The following TRIM54 variants were observed in gnomAD, a reference collection of about 807,000 sequenced individuals.
TRIM54 encodes the protein tripartite motif containing 54, also known as tripartite motif-containing protein 54.
A neutral mutation model predicts 42.0 loss-of-function variants in TRIM54; 40 were observed. That is an observed-to-expected ratio of 0.95 (90% CI 0.74 to 1.24). The LOEUF (loss-of-function observed/expected upper bound fraction) is 1.24, where lower values mean the gene tolerates loss of function less well. Among genes scored for constraint, TRIM54 ranks in the 50% most tolerant of loss-of-function variants. TRIM54 has a pLI of 0.00. For synonymous variants in TRIM54, 199 were observed against 194.9 expected, an observed-to-expected ratio of 1.02 and a Z score of -0.17; for missense variants, 485 against 480.3, an observed-to-expected ratio of 1.01 and a Z score of -0.09.
chr2:27,289,925 G>T (rs1678674158), intron 1 of TRIM54, among the ~76,000 whole-genome samples: 1 of 140,370 alleles, frequency 7.1e-6, no homozygotes, highest in African/African-American at 2.7e-5. Context: ...AGGCTGGAGT[G>T]CGGTGGCTTG....
chr2:27,306,331 C>T lies in TRIM54; in HGVS notation c.985C>T (p.Gln329Ter), dbSNP rs779403761. 8 of 1,614,118 alleles carry T rather than the reference C, an allele frequency of 5.0e-6. No homozygotes were observed. The highest frequency in any genetic ancestry group is 1.1e-5 in the South Asian group (1 of 91,086). The change falls in exon 7 of 9, where the codon CAG (glutamine) becomes TAG (stop). Residue 329 changes from glutamine to a stop codon, truncating the protein, a stop_gained. Coordinates refer to ENST00000380075, the MANE Select transcript of TRIM54 (RefSeq NM_187841.3). LOFTEE classifies it high-confidence loss of function. The surrounding 1 kb of genome is among the most constrained non-coding windows in gnomAD (Gnocchi z 6.1). ...VAEMLRTIDF[Q>*]PGASGEEEEV... The stretch of plus-strand genomic sequence containing the variant: ...CGAAATGCTGCGGACCATCGACTTC[C>T]AGCCAGGTGAAGGAGGTGGCCGAGG...
chr2:27,285,977 C>G (rs745977989), intron 1 of TRIM54, among the ~76,000 whole-genome samples: 22 of 151,886 alleles, frequency 1.4e-4, no homozygotes, highest in Non-Finnish European at 2.8e-4. Context: ...GCCTGTAATC[C>G]CAACACTTTG....
At chr2:27,295,595 C>T (rs1043904061) in intron 1 of TRIM54, among the ~76,000 whole-genome samples, 2 of 152,180 alleles carry the variant, frequency 1.3e-5, no homozygotes, top group African/African-American at 4.8e-5. Context: ...CATGAGCCAG[C>T]GCGCCTGGTC....
intron 1 of TRIM54, among the ~76,000 whole-genome samples, chr2:27,287,344 A>G (rs1051820183): frequency 2.6e-5 from 4 of 152,056 alleles, no homozygotes; most frequent in Non-Finnish European, 4.4e-5. Context: ...CTGGGACCAC[A>G]GGTGTGCACC....
At chr2:27,297,897 C>CT (rs2148197492) in intron 1 of TRIM54, among the ~76,000 whole-genome samples, 1 of 146,278 alleles carries the variant, frequency 6.8e-6, no homozygotes, top group South Asian at 2.2e-4. Flanking sequence ...GGGAGGATTG[C>CT]TTGAGCCCAG....
rs1679193196 is a variant in TRIM54, at chr2:27,306,038, T to C, written c.844-42T>C. 1.9e-6 allele frequency: 3 copies of C among 1,612,476 alleles called. No individual in the cohort carries two copies. The highest frequency in any genetic ancestry group is 2.2e-5 in the South Asian group (2 of 90,830). On this transcript the variant is annotated intron_variant, in intron 5 of 8. Transcript: ENST00000380075. The surrounding 1 kb of genome is among the most constrained non-coding windows in gnomAD (Gnocchi z 6.1). ...ATTCAGAAATGGGACTTTGCCCAGG[T>C]TGGCCCAGTGCTTACTCTCACCCTC...
Position 27,299,324 on chromosome 2 carries a change from T to G in TRIM54, c.421T>G (p.Cys141Gly). The G allele has an allele frequency of 6.2e-7, 1 of 1,614,154 alleles. No individual in the cohort carries two copies. Among genetic ancestry groups the G allele is most frequent in the African/African-American group, 1.3e-5 (1 of 75,044 alleles). The change falls in exon 3 of 9, where the codon TGT becomes GGT. Residue 141 changes from cysteine to glycine, a missense_variant. Coordinates refer to ENST00000380075, the MANE Select transcript of TRIM54 (RefSeq NM_187841.3). ...EEKINIYCLS[C>G]EVPTCSLCKV... ...GAAGATCAATATTTACTGCCTGAGC[T>G]GTGAGGTGCCCACCTGCTCTCTCTG...
At chr2:27,299,218 C>T in intron 2 of TRIM54, 27 bp from the exon 3 acceptor site, 2 of 1,611,688 alleles carry the variant, frequency 1.2e-6, no homozygotes, top group Non-Finnish European at 8.5e-7. Flanking sequence ...GCTTAAGGTC[C>T]ACCTCCCCCT....
chr2:27,284,373 C>G (rs927901277), intron 1 of TRIM54, among the ~76,000 whole-genome samples: 2 of 152,150 alleles, frequency 1.3e-5, no homozygotes, highest in Admixed American at 6.5e-5. Context: ...CACAATGTAC[C>G]CTGTGACCCA....
At chr2:27,283,778 ACG>A (rs796470453) in intron 1 of TRIM54, among the ~76,000 whole-genome samples, 5,117 of 102,262 alleles carry the variant, frequency 0.05, 293 homozygotes, top group African/African-American at 0.17. Context: ...ACACACACAC[ACG>A]CGCGCACACA....
chr2:27,282,885 A>G lies in TRIM54; in HGVS notation c.154A>G (p.Asn52Asp). The G allele has an allele frequency of 6.2e-7, 1 of 1,612,756 alleles. No homozygotes were observed. The highest frequency in any genetic ancestry group is 8.5e-7 in the Non-Finnish European group (1 of 1,179,224). The change falls in exon 1 of 9, where the codon AAC becomes GAC. Residue 52 changes from asparagine to aspartate, a missense_variant. By Grantham distance (23) the Asn-to-Asp change is conservative. Transcript: ENST00000380075. The stretch of plus-strand genomic sequence containing the variant: ...ACACAACCTGTGCCGCAAATGTGCC[A>G]ACGACGTCTTCCAGGTGGGTGCCAG... ...CQHNLCRKCA[N>D]DVFQASNPLW...
rs1679221023 is a variant in TRIM54, at chr2:27,306,545, G to A, written c.*1+3G>A. ...AGAGCGGCCGGATGGGCCTTAAGGT[G>A]AGAGCCGCCCGATGGGCCTTAAGGT... is the stretch of plus-strand genomic sequence containing the variant. On this transcript the variant is annotated splice_donor_region_variant and intron_variant, in intron 8 of 8. Coordinates refer to ENST00000380075, the MANE Select transcript of TRIM54 (RefSeq NM_187841.3). This position sits in a 1 kb window ranked among gnomAD's most constrained non-coding sequence, Gnocchi z 6.1. 3.9e-6 allele frequency: 6 copies of A among 1,543,946 alleles called. No individual in the cohort carries two copies. The highest frequency in any genetic ancestry group is 2.6e-6 in the Non-Finnish European group (3 of 1,144,348).
chr2:27,289,729 A>C (rs1425398261), intron 1 of TRIM54, among the ~76,000 whole-genome samples: 3 of 152,066 alleles, frequency 2.0e-5, no homozygotes, highest in East Asian at 1.9e-4. Flanking sequence ...GGAAATGTCT[A>C]AAAAGGATCC....
intron 3 of TRIM54, among the ~76,000 whole-genome samples, chr2:27,299,884 GT>G (rs34347145): frequency 1.3e-5 from 2 of 148,830 alleles, no homozygotes; most frequent in Non-Finnish European, 3.0e-5. Context: ...TTGTTTTTTG[GT>G]TTTTTTTTGA....
Position 27,306,464 on chromosome 2 carries a change from G to T in TRIM54, c.1000G>T (p.Gly334Trp). The T allele has an allele frequency of 6.3e-7, 1 of 1,596,208 alleles. No homozygotes were observed. The highest frequency in any genetic ancestry group is 8.5e-7 in the Non-Finnish European group (1 of 1,171,228). Residue 334 changes from glycine (G) to tryptophan (W), a missense_variant, in exon 8 of 9, where the codon GGG (glycine) becomes TGG (tryptophan). Gly to Trp is a radical substitution (Grantham distance 184, BLOSUM62 -2). Transcript: ENST00000380075. This position sits in a 1 kb window ranked among gnomAD's most constrained non-coding sequence, Gnocchi z 6.1. Reference sequence around the variant, plus strand: ...GCCTTCCTTGGGCTCAGGCGCTTCCGGGGAGGAAGAGGAGGTGGCCCCAGA... The same window carrying T: ...GCCTTCCTTGGGCTCAGGCGCTTCCTGGGAGGAAGAGGAGGTGGCCCCAGA... ...RTIDFQPGAS[G>W]EEEEVAPDGE...
intron 3 of TRIM54, among the ~76,000 whole-genome samples, chr2:27,302,088 A>G (rs1471522464): frequency 6.6e-6 from 1 of 151,594 alleles, no homozygotes; most frequent in African/African-American, 2.4e-5. Flanking sequence ...CGGGAGGCGG[A>G]GGTTGCAGTG....
At chr2:27,304,716 G>A in intron 3 of TRIM54, 2 of 434,412 alleles carry the variant, frequency 4.6e-6, no homozygotes, top group Non-Finnish European at 8.3e-6. Flanking sequence ...GTATCTGGTG[G>A]ATGTTTGGAG....
chr2:27,287,379 A>G (rs1225107781), intron 1 of TRIM54, among the ~76,000 whole-genome samples: 3 of 151,688 alleles, frequency 2.0e-5, no homozygotes, highest in African/African-American at 7.3e-5. Flanking sequence ...ATTTTTTTGT[A>G]ATTTTTTGTA....
chr2:27,294,514 C>T (rs1678810119), intron 1 of TRIM54, among the ~76,000 whole-genome samples: 1 of 152,126 alleles, frequency 6.6e-6, no homozygotes, highest in Non-Finnish European at 1.5e-5. Flanking sequence ...CTGGCTTTGC[C>T]ACCTATTAGC....
Sources: allele counts gnomAD v4.1 joint callset (sites outside exome capture counted in the v4.1 genomes callset), GRCh38; gene constraint gnomAD v4.1.1; non-coding constraint Gnocchi (gnomAD v3.1); transcripts MANE v1.5; gene names NCBI Gene and HGNC (gene_info 2026-07-23, HGNC 2026-07-21).